The following SEMA6D variants were observed in gnomAD, a reference collection of about 807,000 sequenced individuals.
SEMA6D encodes the protein semaphorin 6D.
Under a neutral mutation model 106.6 loss-of-function variants are expected in SEMA6D, and 35 were observed. That is an observed-to-expected ratio of 0.33 (90% CI 0.25 to 0.44). SEMA6D has a LOEUF of 0.44. Ranked by LOEUF, SEMA6D falls within the 20% of genes least tolerant of loss-of-function variation. SEMA6D has a pLI of 1.00. For synonymous variants in SEMA6D, 499 were observed against 487.7 expected (o/e 1.02, Z -0.31); for missense variants, 1,185 against 1,345.9 (o/e 0.88, Z 1.87).
intron 1 of SEMA6D, among the ~76,000 whole-genome samples, chr15:47,329,566 A>G (rs896548163): frequency 4.6e-5 from 7 of 152,248 alleles, no homozygotes; most frequent in Admixed American, 3.9e-4. Context: ...TAATTGCAAT[A>G]TAACAAAGTA....
intron 1 of SEMA6D, among the ~76,000 whole-genome samples, chr15:47,321,276 G>A (rs1454239769): frequency 6.6e-6 from 1 of 152,190 alleles, no homozygotes; most frequent in Non-Finnish European, 1.5e-5. Flanking sequence ...ACAGAACTGA[G>A]TATTATCCAA....
intron 1 of SEMA6D, among the ~76,000 whole-genome samples, chr15:47,286,562 AT>A (rs1475305084): frequency 6.6e-6 from 1 of 152,086 alleles, no homozygotes; most frequent in African/African-American, 2.4e-5. Flanking sequence ...TCATATTAAT[AT>A]TTGATTTAAT....
At chr15:47,297,638 G>A (rs547204409) in intron 1 of SEMA6D, among the ~76,000 whole-genome samples, 78 of 152,188 alleles carry the variant, frequency 5.1e-4, no homozygotes, top group African/African-American at 1.6e-3. Context: ...GTTTCTCTCC[G>A]CAAATAACTA....
chr15:47,241,496 G>A (rs1363818734), intron 1 of SEMA6D: 1 of 152,058 alleles, frequency 6.6e-6, no homozygotes, highest in Non-Finnish European at 1.5e-5. Context: ...AGTAGGGTTT[G>A]TTCTCTATAT....
intron 3 of SEMA6D, among the ~76,000 whole-genome samples, chr15:47,557,907 C>G (rs553766068): frequency 6.6e-6 from 1 of 152,064 alleles, no homozygotes; most frequent in South Asian, 2.1e-4. Flanking sequence ...AATATAAATT[C>G]CTTGCCATGA....
Position 47,771,873 on chromosome 15 carries a change from C to T in SEMA6D, c.*88C>T, listed in dbSNP as rs997026440. On this transcript the variant is annotated 3_prime_UTR_variant, in exon 19 of 19. Coordinates refer to ENST00000536845, the MANE Select transcript of SEMA6D (RefSeq NM_001358351.3). ...TAAGGGTACCTTAAAACAAGAGACT[C>T]GCTTGTATTTTAAGAGAACCAAGTG... 2.2e-5 allele frequency: 29 copies of T among 1,345,028 alleles called. No homozygotes were observed. The highest frequency in any genetic ancestry group is 2.8e-5 in the Non-Finnish European group (27 of 979,394). The allele number at this position is 1,345,028 out of a possible 1,614,324, so 83.3% of individuals were successfully genotyped here. A position where few individuals can be genotyped will look rare whatever the true frequency, so the allele number is the denominator to read the frequency against.
At chr15:47,462,803 G>A (rs1254754818) in intron 2 of SEMA6D, among the ~76,000 whole-genome samples, 3 of 152,070 alleles carry the variant, frequency 2.0e-5, no homozygotes, top group Non-Finnish European at 4.4e-5. Context: ...ATCTCATAAA[G>A]ATTACTTAAT....
At chr15:47,721,952 G>A (rs2079446550) in intron 1 of SEMA6D, among the ~76,000 whole-genome samples, 1 of 152,086 alleles carries the variant, frequency 6.6e-6, no homozygotes, top group Non-Finnish European at 1.5e-5. Flanking sequence ...CCATCCGGCT[G>A]TGAACAGCAC....
intron 3 of SEMA6D, among the ~76,000 whole-genome samples, chr15:47,541,413 A>T (rs1469017534): frequency 6.6e-6 from 1 of 152,220 alleles, no homozygotes; most frequent in African/African-American, 2.4e-5. Context: ...TTTCATGCCC[A>T]GAATCATCCA....
At chr15:47,232,850 G>A (rs76221084) in intron 1 of SEMA6D, among the ~76,000 whole-genome samples, 3,101 of 151,896 alleles carry the variant, frequency 0.02, 116 homozygotes, top group African/African-American at 0.071. Flanking sequence ...TCAGATATAT[G>A]AAGTGCAGAT....
chr15:47,757,874 G>C (rs935242497), intron 1 of SEMA6D, among the ~76,000 whole-genome samples: 1 of 152,096 alleles, frequency 6.6e-6, no homozygotes, highest in African/African-American at 2.4e-5. Context: ...AATTTCCTAT[G>C]TGCCAGGCAT....
At chr15:47,432,156 C>T (rs537411173) in intron 2 of SEMA6D, among the ~76,000 whole-genome samples, 1 of 152,176 alleles carries the variant, frequency 6.6e-6, no homozygotes, top group South Asian at 2.1e-4. Context: ...CCAAGAGCAA[C>T]TTCAGACCTG....
intron 1 of SEMA6D, among the ~76,000 whole-genome samples, chr15:47,374,486 C>T (rs1252330938): frequency 6.6e-6 from 1 of 152,072 alleles, no homozygotes; most frequent in African/African-American, 2.4e-5. Flanking sequence ...CTCCTTGATT[C>T]TGTTGGACTC....
intron 2 of SEMA6D, among the ~76,000 whole-genome samples, chr15:47,460,592 C>G (rs2042477392): frequency 1.3e-5 from 2 of 152,034 alleles, no homozygotes; most frequent in African/African-American, 2.4e-5. Flanking sequence ...ATCAGTGATT[C>G]ATTAGTGTTA....
In SEMA6D at chr15:47,574,208, G is replaced by A. The variant is rs552991410; in HGVS notation, c.-86-26657G>A. ...TTAGGACCTGTAAAGTTGGTCTGCT[G>A]TGCATCAGTAAGCTCTGTAGTTGTT... On this transcript the variant is annotated intron_variant, in intron 3 of 19. Transcript: ENST00000558014. 1.2e-4 allele frequency among the ~76,000 whole-genome samples: 19 copies of A among 152,324 alleles called. No individual in the cohort carries two copies. In the East Asian group the frequency reaches 2.3e-3, roughly 19 times the overall value.
chr15:47,551,446 T>A (rs1381473083), intron 3 of SEMA6D, among the ~76,000 whole-genome samples: 1 of 152,054 alleles, frequency 6.6e-6, no homozygotes, highest in African/African-American at 2.4e-5. Flanking sequence ...CACAGACTGG[T>A]GTTATGCCAT....
At chr15:47,769,245 T>C (rs2082505691) in intron 18 of SEMA6D, among the ~76,000 whole-genome samples, 1 of 152,164 alleles carries the variant, frequency 6.6e-6, no homozygotes, top group African/African-American at 2.4e-5. Flanking sequence ...ATAACTATCA[T>C]TTTCAGCCCG....
intron 3 of SEMA6D, among the ~76,000 whole-genome samples, chr15:47,528,762 A>G (rs1200110629): frequency 6.6e-6 from 1 of 152,182 alleles, no homozygotes; most frequent in Non-Finnish European, 1.5e-5. Flanking sequence ...TGTAGTTTTT[A>G]TCCTGGCTGG....
intron 1 of SEMA6D, among the ~76,000 whole-genome samples, chr15:47,352,147 A>G (rs2144825633): frequency 6.6e-6 from 1 of 152,292 alleles, no homozygotes; most frequent in African/African-American, 2.4e-5. Context: ...ATATTAGTGA[A>G]ACAATGACTA....
Sources: gnomAD v4.1 joint callset for allele counts (sites outside exome capture counted in the v4.1 genomes callset) on GRCh38, gnomAD v4.1.1 for gene constraint, MANE v1.5 for transcripts, NCBI Gene and HGNC (gene_info 2026-07-23, HGNC 2026-07-21) for gene names.